CCNH: variants seen among roughly 807,000 people sequenced by gnomAD.
The protein encoded by CCNH is cyclin-H.
CCNH carries 31 observed loss-of-function variants against 41.9 expected under a neutral mutation model. That is an observed-to-expected ratio of 0.74 (90% confidence interval 0.56 to 1.00). The LOEUF (loss-of-function observed/expected upper bound fraction) is 1.00, where lower values mean the gene tolerates loss of function less well. CCNH is among the 50% of genes least tolerant of loss of function. The pLI, the probability that CCNH is intolerant of heterozygous loss-of-function variation, is 0.00. For synonymous variants in CCNH, 138 were observed against 136.1 expected (o/e 1.01, Z -0.10); for missense variants, 362 against 388.4 (o/e 0.93, Z 0.57).
chr5:87,338,536 A>ATATATATATATATATTTTTTTTTTTT, intron 9 of CCNH, among the ~76,000 whole-genome samples: 1 of 85,214 alleles, frequency 1.2e-5, no homozygotes, highest in African/African-American at 4.4e-5. Flanking sequence ...TATATATAAA[A>ATATATATATATATATTTTTTTTTTTT]TTTTTTTTTT....
At chr5:87,366,334 A>G (rs1039250502) in intron 9 of CCNH, 4 of 402,626 alleles carry the variant, frequency 9.9e-6, no homozygotes, top group African/African-American at 6.1e-5. Context: ...TTATTTTGAT[A>G]TAGTTTATAT....
At chr5:87,388,344 T>C (rs148647717), downstream of CCNH, among the ~76,000 whole-genome samples, 14 of 152,352 alleles carry the variant, frequency 9.2e-5, no homozygotes, top group East Asian at 2.5e-3. Context: ...CCTTGTTAAA[T>C]GTTATTCCAA....
chr5:87,376,643 T>A, exon 1 of CCNH: 1 of 1,505,086 alleles, frequency 6.6e-7, no homozygotes, highest in African/African-American at 1.4e-5. Context: ...TCCATTAAGG[T>A]AAACATAGTA....
At chr5:87,372,033 G>T, downstream of CCNH, 1 of 1,096,480 alleles carries the variant, frequency 9.1e-7, no homozygotes, top group Non-Finnish European at 1.2e-6. Context: ...AAAAATTGTT[G>T]AATTTGAAAA....
rs560673383 is a variant in CCNH at position 87,364,653 on chromosome 5, G to A, written c.*90+28117C>T. On this transcript the variant is annotated intron_variant and NMD_transcript_variant, in intron 9 of 9. Transcript: ENST00000645953. Reference sequence around the variant, plus strand: ...TTAACCTTCAAATGTGGTTGATTCAGGCCTCTGTCTTTTCTTTTTAGTTCT... The same window carrying A: ...TTAACCTTCAAATGTGGTTGATTCAAGCCTCTGTCTTTTCTTTTTAGTTCT... Among the ~76,000 whole-genome samples the A allele has an allele frequency of 3.3e-5, 5 of 152,174 alleles. No homozygotes were observed. In the South Asian group the frequency reaches 1.0e-3, roughly 32 times the overall value.
intron 9 of CCNH, among the ~76,000 whole-genome samples, chr5:87,322,142 G>T (rs1258506346): frequency 6.6e-6 from 1 of 152,136 alleles, no homozygotes; most frequent in Non-Finnish European, 1.5e-5. Context: ...ATGAGTTCAA[G>T]TGAGAGCTGG....
At chr5:87,353,301 T>G (rs907861608) in intron 9 of CCNH, 5 of 1,262,806 alleles carry the variant, frequency 4.0e-6, no homozygotes, top group Non-Finnish European at 5.8e-6. Context: ...GGTGGTATGT[T>G]TTTGCACACA....
chr5:87,395,327 T>C (rs1315110964), intron 7 of CCNH, among the ~76,000 whole-genome samples: 1 of 152,166 alleles, frequency 6.6e-6, no homozygotes, highest in Non-Finnish European at 1.5e-5. Flanking sequence ...AAATTTTTCA[T>C]GGAATTGTCA....
At chr5:87,363,460 C>T in intron 9 of CCNH, 2 of 1,612,416 alleles carry the variant, frequency 1.2e-6, no homozygotes, top group Non-Finnish European at 1.7e-6. Flanking sequence ...TAATAGATCT[C>T]AGTGTATGTT....
At chr5:87,373,190 T>A (rs1761072122), downstream of CCNH, among the ~76,000 whole-genome samples, 1 of 152,172 alleles carries the variant, frequency 6.6e-6, no homozygotes, top group Non-Finnish European at 1.5e-5. Context: ...GATTTACATA[T>A]ACTGTCAGCC....
intron 9 of CCNH, chr5:87,331,185 G>T: frequency 1.0e-6 from 1 of 959,412 alleles, no homozygotes; most frequent in Non-Finnish European, 1.6e-6. Flanking sequence ...TTTTGAGACT[G>T]AGGTTAAATT....
chr5:87,399,065 C>T (rs953788232), intron 7 of CCNH, among the ~76,000 whole-genome samples: 1 of 151,542 alleles, frequency 6.6e-6, no homozygotes, highest in Non-Finnish European at 1.5e-5. Context: ...CCAGATATCA[C>T]AACTTCAAAG....
chr5:87,330,803 C>T (rs1232208763), intron 9 of CCNH: 18 of 483,160 alleles, frequency 3.7e-5, no homozygotes, highest in Admixed American at 7.9e-5. Flanking sequence ...AGTAGATTAT[C>T]TTAGAGCCAA....
rs760514538 is a variant in CCNH at position 87,412,874 on chromosome 5, C to A, written c.-80G>T. The A allele has an allele frequency of 2.6e-5, 41 of 1,560,914 alleles. No homozygotes were observed. Among genetic ancestry groups the A allele is most frequent in the African/African-American group, 9.5e-5 (7 of 73,756 alleles). On this transcript the variant is annotated 5_prime_UTR_variant, in exon 1 of 9. Transcript: ENST00000256897. Reference sequence around the variant, plus strand: ...GCGTCCTGGCGTAAAACACCCGTACCCCCACCGAAGATCTCGCGGAAGCCT... The same window carrying A: ...GCGTCCTGGCGTAAAACACCCGTACACCCACCGAAGATCTCGCGGAAGCCT...
At chr5:87,393,390 G>A (rs1762662845), downstream of CCNH, 1 of 152,066 alleles carries the variant, frequency 6.6e-6, no homozygotes, top group South Asian at 2.1e-4. Context: ...AGTGTATGCA[G>A]GTACTATTCT....
chr5:87,336,336 TTTAA>T, intron 9 of CCNH, among the ~76,000 whole-genome samples: 1 of 152,200 alleles, frequency 6.6e-6, no homozygotes, highest in South Asian at 2.1e-4. Flanking sequence ...GGATGTCATT[TTTAA>T]GAGTGTAAAG....
At chr5:87,383,894 G>A in intron 9 of CCNH, 1 of 922,344 alleles carries the variant, frequency 1.1e-6, no homozygotes, top group South Asian at 1.6e-5. Flanking sequence ...TTCTAGTCAT[G>A]GCATATATGA....
In CCNH at chr5:87,412,821, G is replaced by A. The variant is rs531308504; in HGVS notation, c.-27C>T. ...ATGGAATCGTGACCAGGTCCAGAGG[G>A]TCTGCAGACGAGAACCCAAACGCAT... On this transcript the variant is annotated 5_prime_UTR_variant, in exon 1 of 9. Transcript: ENST00000256897. The A allele has an allele frequency of 1.9e-4, 309 of 1,606,158 alleles. 2 individuals are homozygous for A. The South Asian group carries it at 3.0e-3, about 16-fold the overall frequency.
intron 9 of CCNH, among the ~76,000 whole-genome samples, chr5:87,323,990 T>C: frequency 6.6e-6 from 1 of 152,230 alleles, no homozygotes; most frequent in East Asian, 1.9e-4. Flanking sequence ...TGGTGTTCTG[T>C]CGTATTTACT....
Sources: allele counts gnomAD v4.1 joint callset (sites outside exome capture counted in the v4.1 genomes callset), GRCh38; gene constraint gnomAD v4.1.1; transcripts MANE v1.5; gene names NCBI Gene and HGNC (gene_info 2026-07-23, HGNC 2026-07-21).